NOTCH3: variants seen among roughly 807,000 people sequenced by gnomAD.
NOTCH3 encodes notch receptor 3.
NOTCH3 carries 86 observed loss-of-function variants against 213.3 expected under a neutral mutation model. The observed-to-expected ratio is 0.40, with a 90% CI of 0.34 to 0.48. The LOEUF (loss-of-function observed/expected upper bound fraction) is 0.48. NOTCH3 is among the 20% of genes least tolerant of loss of function. NOTCH3 has a pLI of 0.57. For synonymous variants in NOTCH3, 1,354 were observed against 1,355.9 expected (o/e 1.00, Z 0.03); for missense variants, 2,783 against 3,272.6 (o/e 0.85, Z 3.65).
chr19:15,161,685 G>A lies in NOTCH3; in HGVS notation c.5943C>T (p.Arg1981=), dbSNP rs747804178. The change falls in exon 33 of 33, where the codon CGC becomes CGT. Residue 1981 remains arginine, a synonymous_variant. Coordinates refer to ENST00000263388, the MANE Select transcript of NOTCH3 (RefSeq NM_000435.3). The part of the protein sequence containing the change: ...KEETPLFLAA[R]EGSYEAAKLL... ...GCTTGGCAGCCTCATAGCTGCCCTC[G>A]CGGGCGGCCAGGAATAGGGGGGTCT... The A allele has an allele frequency of 2.5e-5, 40 of 1,613,764 alleles. No individual in the cohort carries two copies. The highest frequency in any genetic ancestry group is 2.0e-4 in the African/African-American group (15 of 74,942).
intron 29 of NOTCH3, 77 bp from the exon 30 acceptor site, chr19:15,166,168 T>G: frequency 1.1e-5 from 14 of 1,251,830 alleles, no homozygotes; most frequent in South Asian, 2.4e-5. Flanking sequence ...GGTACCCCAT[T>G]AGGAGCTAAT....
At chr19:15,197,318 A>G (rs899249844) in intron 2 of NOTCH3, among the ~76,000 whole-genome samples, 182 bp downstream of exon 2, 6 of 152,158 alleles carry the variant, frequency 3.9e-5, no homozygotes, top group Admixed American at 1.3e-4. Context: ...CCATGCCAAG[A>G]AGAGTGCAGA....
chr19:15,188,671 T>G (rs1268366702), intron 8 of NOTCH3, among the ~76,000 whole-genome samples: 1 of 147,222 alleles, frequency 6.8e-6, no homozygotes, highest in Non-Finnish European at 1.5e-5. Context: ...CCAGGCTTAC[T>G]GCAAGCTTGT....
chr19:15,192,184 C>T lies in NOTCH3; in HGVS notation c.455G>A (p.Gly152Asp), dbSNP rs779932875. The T allele has an allele frequency of 3.1e-6, 5 of 1,612,350 alleles. No individual in the cohort carries two copies. The East Asian group carries it at 1.1e-4, about 36-fold the overall frequency. The change falls in exon 4 of 33, where the codon GGC becomes GAC. Residue 152 changes from glycine to aspartate, a missense_variant. Gly to Asp is a moderately conservative substitution (Grantham distance 94, BLOSUM62 -1). This residue lies in a region of NOTCH3 where 708 missense variants were observed against 906.6 expected (regional missense o/e 0.78). Coordinates refer to ENST00000263388, the MANE Select transcript of NOTCH3 (RefSeq NM_000435.3). ...ATCCACGTCGCTTCGGCAGCTGCGG[C>T]CCTGGTAGCCAGGTGGGCAGGAGCA... The part of the protein sequence containing the change: ...FLCSCPPGYQ[G>D]RSCRSDVDEC...
At chr19:15,169,186 G>GTCTCTCTCTCTCTC (rs56916343) in intron 28 of NOTCH3, among the ~76,000 whole-genome samples, 69 of 146,740 alleles carry the variant, frequency 4.7e-4, no homozygotes, top group South Asian at 1.7e-3. Flanking sequence ...TGTCAAATCT[G>GTCTCTCTCTCTCTC]TCTCTCTCTC....
chr19:15,200,708 C>T lies in NOTCH3; in HGVS notation c.118+80G>A, dbSNP rs1453087903. ...ACCCTGGTTCCTGCCTCCCATGAAC[C>T]CCCGCCAGCCCCGGCCTTGGGGGTT... On this transcript the variant is annotated intron_variant, in intron 1 of 32. Transcript: ENST00000263388. The T allele has an allele frequency of 1.0e-5, 11 of 1,099,948 alleles. No individual in the cohort carries two copies. The Admixed American group carries it at 2.7e-4, about 27-fold the overall frequency. 68.1% of individuals were successfully genotyped at this position (1,099,948 alleles called of 1,614,324 possible). A position where few individuals can be genotyped will look rare whatever the true frequency, so the allele number is the denominator to read the frequency against.
At chr19:15,181,278 G>T in intron 17 of NOTCH3, 116 bp from the exon 18 acceptor site, 1 of 905,646 alleles carries the variant, frequency 1.1e-6, no homozygotes, top group Admixed American at 2.0e-5. Flanking sequence ...CCTTATCTCG[G>T]CAAGAAGCTG....
intron 16 of NOTCH3, among the ~76,000 whole-genome samples, chr19:15,182,273 G>C (rs575392415): frequency 6.6e-6 from 1 of 152,110 alleles, no homozygotes; most frequent in Non-Finnish European, 1.5e-5. Flanking sequence ...TTGGGAGGCC[G>C]AGGTGGGCAG....
chr19:15,188,404 G>C lies in NOTCH3; in HGVS notation c.1379-56C>G, dbSNP rs1383111241. The C allele has an allele frequency of 8.8e-6, 10 of 1,137,448 alleles. No homozygotes were observed. In the South Asian group the frequency reaches 1.3e-4, roughly 15 times the overall value. The allele number at this position is 1,137,448 out of a possible 1,614,324, so 70.5% of individuals were successfully genotyped here. The stretch of plus-strand genomic sequence containing the variant: ...GGGGCTACCCTATGGTGTGAACGGG[G>C]TGCAAGGAAGGAGGTACTTCCCTTC... On this transcript the variant is annotated intron_variant, in intron 8 of 32. Transcript: ENST00000263388.
chr19:15,173,843 C>T (rs969948622), intron 25 of NOTCH3, among the ~76,000 whole-genome samples: 54 of 152,274 alleles, frequency 3.5e-4, no homozygotes, highest in African/African-American at 1.2e-3. Flanking sequence ...CTCTGCCAAG[C>T]CACTTAGCAA....
intron 9 of NOTCH3, 94 bp from the exon 10 acceptor site, chr19:15,188,088 T>C: frequency 9.1e-7 from 1 of 1,098,700 alleles, no homozygotes; most frequent in Non-Finnish European, 1.4e-6. Flanking sequence ...AAAACCCATT[T>C]ACTTGGATTT....
At chr19:15,196,018 G>T (rs2046967689) in intron 2 of NOTCH3, among the ~76,000 whole-genome samples, 1 of 151,336 alleles carries the variant, frequency 6.6e-6, no homozygotes, top group Admixed American at 6.6e-5. Context: ...GGGGGGTCTT[G>T]GGGGATCCAT....
chr19:15,193,910 C>T (rs1389832574), intron 2 of NOTCH3, among the ~76,000 whole-genome samples: 3 of 151,728 alleles, frequency 2.0e-5, no homozygotes, highest in Non-Finnish European at 4.4e-5. Context: ...GGTGAAACCT[C>T]GTCGCTACTA....
intron 3 of NOTCH3, 30 bp from the exon 4 acceptor site, chr19:15,192,328 G>C (rs1336923713): frequency 5.0e-6 from 8 of 1,612,106 alleles, no homozygotes. Flanking sequence ...GTGAGTTTAG[G>C]ACTGACCACA....
At chr19:15,181,509 T>C in intron 17 of NOTCH3, 67 bp downstream of exon 17, 1 of 1,364,366 alleles carries the variant, frequency 7.3e-7, no homozygotes. Flanking sequence ...CTGTCCCCAC[T>C]TCGTCCCAGG....
At position 15,160,076 on chromosome 19, in the gene NOTCH3, G is replaced by A. The variant is rs561701876; in HGVS notation, c.*586C>T. 3.9e-4 allele frequency: 91 copies of A among 234,002 alleles called. No homozygotes were observed. The highest frequency in any genetic ancestry group is 3.1e-3 in the Admixed American group (55 of 17,792). 14.5% of individuals were successfully genotyped at this position (234,002 alleles called of 1,614,324 possible). On this transcript the variant is annotated 3_prime_UTR_variant, in exon 33 of 33. Transcript: ENST00000263388. ...CCCGACCCCTGGCCCCAGTGGGTGC[G>A]CCCAAGGGTGCCTACTTGGTACATA...
rs2046657001 is a variant in NOTCH3, at chr19:15,162,794, CGTG to C, written c.5816-235_5816-233del. 3.6e-4 allele frequency among the ~76,000 whole-genome samples: 11 copies of C among 30,866 alleles called. No homozygotes were observed. In the Admixed American group the frequency reaches 4.8e-3, roughly 13 times the overall value. The allele number at this position is 30,866 out of a possible 152,430, so 20.2% of individuals were successfully genotyped here. ...GTGTTTGTGTGTGTGTGTGTGTGTG[CGTG>C]CATGTGCATGACTGTTTATACACAG... On this transcript the variant is annotated intron_variant, in intron 31 of 32. Coordinates refer to ENST00000263388, the MANE Select transcript of NOTCH3 (RefSeq NM_000435.3).
chr19:15,163,804 C>T (rs2046663803), intron 31 of NOTCH3, among the ~76,000 whole-genome samples: 1 of 152,052 alleles, frequency 6.6e-6, no homozygotes, highest in Admixed American at 6.5e-5. Flanking sequence ...GCACTCCAGC[C>T]TGAGTGACAG....
chr19:15,184,697 C>T (rs1457302567), intron 15 of NOTCH3, among the ~76,000 whole-genome samples: 2 of 152,156 alleles, frequency 1.3e-5, no homozygotes, highest in African/African-American at 4.8e-5. Context: ...GCCCTAAGTC[C>T]CAGCATCTCT....
Sources: allele counts gnomAD v4.1 joint callset (sites outside exome capture counted in the v4.1 genomes callset), GRCh38; gene constraint gnomAD v4.1.1; regional missense constraint gnomAD v4.1.1; transcripts MANE v1.5; gene names NCBI Gene and HGNC (gene_info 2026-07-23, HGNC 2026-07-21).